Variants in CNTN3 observed in about 807,000 individuals in gnomAD.
The protein encoded by CNTN3 is contactin-3.
CNTN3 carries 60 observed loss-of-function variants against 119.1 expected under a neutral mutation model. The ratio of observed to expected loss-of-function variants is 0.50; its 90% CI spans 0.41 to 0.62. The LOEUF is 0.62. Ranked by LOEUF, CNTN3 falls within the 20% of genes least tolerant of loss-of-function variation. CNTN3 has a pLI of 0.00. For synonymous variants in CNTN3, 450 were observed against 438.7 expected, an observed-to-expected ratio of 1.03 and a Z score of -0.32; for missense variants, 1,101 against 1,242.4, an observed-to-expected ratio of 0.89 and a Z score of 1.71.
chr3:74,294,548 A>G (rs977229032), intron 19 of CNTN3, among the ~76,000 whole-genome samples: 8 of 152,216 alleles, frequency 5.3e-5, no homozygotes, highest in African/African-American at 1.9e-4. Flanking sequence ...GAAGACTTTC[A>G]GTATGTCCCA....
chr3:74,329,163 A>T (rs1294103164), intron 13 of CNTN3, among the ~76,000 whole-genome samples: 1 of 152,302 alleles, frequency 6.6e-6, no homozygotes, highest in African/African-American at 2.4e-5. Context: ...AATTTCAAAG[A>T]TATTCTTTTC....
intron 5 of CNTN3, among the ~76,000 whole-genome samples, chr3:74,380,354 C>T (rs989772125): frequency 2.0e-5 from 3 of 152,206 alleles, no homozygotes; most frequent in Non-Finnish European, 2.9e-5. Context: ...CTTAAATTTA[C>T]GCCAAACCCT....
At chr3:74,402,750 A>C (rs1325564529) in intron 5 of CNTN3, among the ~76,000 whole-genome samples, 2 of 152,224 alleles carry the variant, frequency 1.3e-5, no homozygotes, top group African/African-American at 4.8e-5. Context: ...TATGAAGAAA[A>C]TAAACCCAGG....
intron 4 of CNTN3, among the ~76,000 whole-genome samples, chr3:74,465,421 C>T (rs926219468): frequency 6.6e-6 from 1 of 152,064 alleles, no homozygotes; most frequent in African/African-American, 2.4e-5. Context: ...AAACAAAAAA[C>T]CTAGACCATA....
chr3:74,288,222 G>A (rs975118324), intron 19 of CNTN3, among the ~76,000 whole-genome samples: 4 of 141,728 alleles, frequency 2.8e-5, no homozygotes, highest in Admixed American at 7.7e-5. Flanking sequence ...ATAGTGGCAC[G>A]ATCTTGGCTC....
intron 1 of CNTN3, among the ~76,000 whole-genome samples, chr3:74,523,198 T>C (rs577843871): frequency 6.6e-6 from 1 of 151,900 alleles, no homozygotes; most frequent in Non-Finnish European, 1.5e-5. Context: ...ATTTAATTTA[T>C]AACTGGCAGC....
At chr3:74,377,318 T>C (rs1176142228) in intron 5 of CNTN3, among the ~76,000 whole-genome samples, 1 of 152,102 alleles carries the variant, frequency 6.6e-6, no homozygotes, top group Non-Finnish European at 1.5e-5. Flanking sequence ...TACATATATA[T>C]CATTCTGACT....
chr3:74,275,441 A>G (rs1484736756), intron 20 of CNTN3, among the ~76,000 whole-genome samples: 2 of 152,222 alleles, frequency 1.3e-5, no homozygotes, highest in Non-Finnish European at 2.9e-5. Flanking sequence ...TCAGATTAAC[A>G]TCAGATTTCT....
At chr3:74,362,285 T>C (rs891311355) in intron 10 of CNTN3, among the ~76,000 whole-genome samples, 2 of 152,194 alleles carry the variant, frequency 1.3e-5, no homozygotes, top group African/African-American at 4.8e-5. Flanking sequence ...TCAAAGTAGC[T>C]CAATCATGTG....
intron 4 of CNTN3, among the ~76,000 whole-genome samples, chr3:74,466,623 T>G (rs189948652): frequency 6.6e-6 from 1 of 152,096 alleles, no homozygotes; most frequent in Admixed American, 6.6e-5. Context: ...AAATTGTGGG[T>G]TGAATGTGAC....
chr3:74,526,081 G>C (rs55698606), intron 1 of CNTN3, among the ~76,000 whole-genome samples: 1 of 151,752 alleles, frequency 6.6e-6, no homozygotes, highest in Non-Finnish European at 1.5e-5. Flanking sequence ...TTCTCAAAGA[G>C]AAAAACCCTA....
intron 3 of CNTN3, among the ~76,000 whole-genome samples, chr3:74,488,979 T>A (rs938480677): frequency 1.3e-5 from 2 of 152,210 alleles, no homozygotes; most frequent in African/African-American, 4.8e-5. Flanking sequence ...ATTTTAAGTC[T>A]ACCCTTAAGG....
chr3:74,553,711 CTTCTT>C (rs1472113478), intron 1 of CNTN3, among the ~76,000 whole-genome samples: 5 of 152,176 alleles, frequency 3.3e-5, no homozygotes, highest in Admixed American at 3.3e-4. Flanking sequence ...GCATAAATGT[CTTCTT>C]TTGAGAAGTG....
intron 19 of CNTN3, among the ~76,000 whole-genome samples, chr3:74,286,787 C>T (rs1410829836): frequency 6.6e-6 from 1 of 152,156 alleles, no homozygotes; most frequent in East Asian, 1.9e-4. Flanking sequence ...AATTGTGGTT[C>T]TCAATCATTT....
rs1374152989 is a variant in CNTN3, at chr3:74,564,314, GTGGCTGCTGACACC to G, written c.-80-43136_-80-43123del. Reference sequence around the variant, plus strand: ...GAGGAGGTTTGGACCAAGGATGGGAGTGGCTGCTGACACCTACAGGATATGGTACAGAATGATGA... The same window carrying G: ...GAGGAGGTTTGGACCAAGGATGGGAGTACAGGATATGGTACAGAATGATGA... On this transcript the variant is annotated intron_variant, in intron 1 of 22. Coordinates refer to ENST00000263665, the MANE Select transcript of CNTN3 (RefSeq NM_020872.3). 3.9e-5 allele frequency among the ~76,000 whole-genome samples: 6 copies of G among 152,108 alleles called. No individual in the cohort carries two copies. The East Asian group carries it at 9.6e-4, about 24-fold the overall frequency.
chr3:74,275,987 G>A (rs1701871445), intron 20 of CNTN3, among the ~76,000 whole-genome samples: 1 of 152,126 alleles, frequency 6.6e-6, no homozygotes, highest in South Asian at 2.1e-4. Flanking sequence ...GCAAGAAAGA[G>A]TAGCTACTCT....
At chr3:74,611,211 G>C (rs902609793) in intron 1 of CNTN3, among the ~76,000 whole-genome samples, 1 of 152,134 alleles carries the variant, frequency 6.6e-6, no homozygotes, top group African/African-American at 2.4e-5. Context: ...TAAGAAAATA[G>C]TCATTTTTCC....
intron 5 of CNTN3, among the ~76,000 whole-genome samples, chr3:74,399,258 C>T (rs752063476): frequency 6.6e-6 from 1 of 151,930 alleles, no homozygotes; most frequent in Non-Finnish European, 1.5e-5. Context: ...AAGCCTAGTA[C>T]CCATTAGTTA....
At chr3:74,399,589 T>G (rs1270890912) in intron 5 of CNTN3, among the ~76,000 whole-genome samples, 4 of 152,156 alleles carry the variant, frequency 2.6e-5, no homozygotes, top group African/African-American at 9.7e-5. Context: ...TTGTGAATAG[T>G]GCTGATGAAC....
Sources: gnomAD v4.1 joint callset for allele counts (sites outside exome capture counted in the v4.1 genomes callset) on GRCh38, gnomAD v4.1.1 for gene constraint, MANE v1.5 for transcripts, NCBI Gene and HGNC (gene_info 2026-07-23, HGNC 2026-07-21) for gene names.